CHMP3: variants seen among roughly 807,000 people sequenced by gnomAD.
The protein encoded by CHMP3 is charged multivesicular body protein 3.
CHMP3 carries 8 observed loss-of-function variants against 27.4 expected under a neutral mutation model. That is an observed-to-expected ratio of 0.29 (90% CI 0.17 to 0.53). The LOEUF is 0.53. Among genes scored for constraint, CHMP3 ranks in the 20% least tolerant of loss-of-function variants. The pLI, the probability that CHMP3 is intolerant of heterozygous loss-of-function variation, is 0.96. For synonymous variants in CHMP3, 86 were observed against 85.5 expected (o/e 1.01, Z -0.03); for missense variants, 208 against 271.5 (o/e 0.77, Z 1.64).
intron 1 of CHMP3, among the ~76,000 whole-genome samples, chr2:86,552,985 A>C (rs754858178): frequency 1.1e-4 from 15 of 141,700 alleles, no homozygotes; most frequent in Non-Finnish European, 1.1e-4. Flanking sequence ...GAGGGCAACA[A>C]CACACACTGG....
At chr2:86,515,589 G>A (rs1675271209) in intron 3 of CHMP3, among the ~76,000 whole-genome samples, 1 of 152,104 alleles carries the variant, frequency 6.6e-6, no homozygotes, top group African/African-American at 2.4e-5. Flanking sequence ...CCAAAGTGCT[G>A]AGATTACAGG....
intron 2 of CHMP3, among the ~76,000 whole-genome samples, chr2:86,531,232 C>T (rs968304588): frequency 6.6e-6 from 1 of 152,074 alleles, no homozygotes; most frequent in Non-Finnish European, 1.5e-5. Flanking sequence ...TGGTCTCAAA[C>T]ACCTGGGCTC....
At chr2:86,548,046 T>C (rs1174070861) in intron 1 of CHMP3, among the ~76,000 whole-genome samples, 1 of 152,200 alleles carries the variant, frequency 6.6e-6, no homozygotes, top group African/African-American at 2.4e-5. Context: ...AACAAAATGA[T>C]TGAATTCCTG....
At chr2:86,532,323 T>C (rs1016373382) in intron 2 of CHMP3, among the ~76,000 whole-genome samples, 1 of 152,194 alleles carries the variant, frequency 6.6e-6, no homozygotes, top group Admixed American at 6.5e-5. Flanking sequence ...AATTTATTAG[T>C]TCTAATAGGT....
intron 2 of CHMP3, 98 bp downstream of exon 2, chr2:86,542,154 A>G (rs1269983330): frequency 7.8e-7 from 1 of 1,276,908 alleles, no homozygotes; most frequent in Non-Finnish European, 1.1e-6. Context: ...TATAGGAATA[A>G]ACTATGTCTT....
intron 3 of CHMP3, among the ~76,000 whole-genome samples, chr2:86,519,076 T>C (rs568853773): frequency 2.0e-5 from 3 of 152,070 alleles, no homozygotes; most frequent in Non-Finnish European, 4.4e-5. Context: ...TTATCCACCA[T>C]AAAAAAGCAA....
At chr2:86,533,917 T>C (rs1676021820) in intron 2 of CHMP3, among the ~76,000 whole-genome samples, 1 of 152,216 alleles carries the variant, frequency 6.6e-6, no homozygotes, top group African/African-American at 2.4e-5. Flanking sequence ...ATTTTCTGAT[T>C]TGCTTTGTGA....
intron 2 of CHMP3, among the ~76,000 whole-genome samples, chr2:86,534,056 C>A (rs1437068833): frequency 6.6e-6 from 1 of 152,082 alleles, no homozygotes; most frequent in African/African-American, 2.4e-5. Context: ...CCTTATATAT[C>A]TTTTAAATTT....
At chr2:86,559,379 A>G (rs1015397192) in intron 1 of CHMP3, among the ~76,000 whole-genome samples, 5 of 152,344 alleles carry the variant, frequency 3.3e-5, no homozygotes, top group Non-Finnish European at 7.4e-5. Flanking sequence ...TACAGACAGC[A>G]TATGATAGTA....
At chr2:86,537,294 G>C (rs1332141540) in intron 2 of CHMP3, among the ~76,000 whole-genome samples, 1 of 152,072 alleles carries the variant, frequency 6.6e-6, no homozygotes, top group Non-Finnish European at 1.5e-5. Flanking sequence ...TTCAGTTATT[G>C]TACTTTTCAG....
At chr2:86,516,281 G>A (rs1045275326) in intron 3 of CHMP3, among the ~76,000 whole-genome samples, 4 of 151,930 alleles carry the variant, frequency 2.6e-5, no homozygotes, top group African/African-American at 9.7e-5. Context: ...ACTGATGTAG[G>A]AAAAGAAATT....
intron 3 of CHMP3, among the ~76,000 whole-genome samples, chr2:86,522,599 T>C (rs555803729): frequency 6.6e-6 from 1 of 152,300 alleles, no homozygotes; most frequent in East Asian, 1.9e-4. Context: ...CTGCAGTCTC[T>C]TTCCAGGCTC....
At chr2:86,563,209 G>C (rs1320232791) in intron 1 of CHMP3, 95 bp downstream of exon 1, 14 of 1,456,054 alleles carry the variant, frequency 9.6e-6, no homozygotes, top group Middle Eastern at 1.8e-4. Context: ...GGCGGTATCG[G>C]GCAGGCGGTG....
chr2:86,551,214 T>A (rs1355825554), intron 1 of CHMP3, among the ~76,000 whole-genome samples: 1 of 152,214 alleles, frequency 6.6e-6, no homozygotes, highest in Non-Finnish European at 1.5e-5. Context: ...AGGTCACTAT[T>A]ATTGCTAAGG....
At chr2:86,514,585 T>A (rs1053462823) in intron 3 of CHMP3, among the ~76,000 whole-genome samples, 11 of 152,172 alleles carry the variant, frequency 7.2e-5, no homozygotes, top group Non-Finnish European at 1.2e-4. Context: ...AAAATATAAA[T>A]GGCATCAGGG....
At chr2:86,544,678 C>A (rs1445876781) in intron 1 of CHMP3, among the ~76,000 whole-genome samples, 1 of 152,220 alleles carries the variant, frequency 6.6e-6, no homozygotes, top group Non-Finnish European at 1.5e-5. Context: ...TATAGATTAA[C>A]AGCATCCCAA....
chr2:86,549,406 C>T (rs192034456), intron 1 of CHMP3, among the ~76,000 whole-genome samples: 2,471 of 142,730 alleles, frequency 0.017, 26 homozygotes, highest in Middle Eastern at 0.042. Context: ...CCTCCCTTCC[C>T]AGACGGGGCG....
In CHMP3 at chr2:86,548,787, T is replaced by C. The variant is rs1289572912; in HGVS notation, c.46-6475A>G. ...CCCAGACGGGGCAGCCGGGCAGAGGTGCTCCTCACCTCCCAGACGGGGCGG... is the reference window on the plus strand; with the variant it reads ...CCCAGACGGGGCAGCCGGGCAGAGGCGCTCCTCACCTCCCAGACGGGGCGG... On this transcript the variant is annotated intron_variant, in intron 1 of 5. Coordinates refer to ENST00000263856, the MANE Select transcript of CHMP3 (RefSeq NM_016079.4). 9.0e-4 allele frequency among the ~76,000 whole-genome samples: 110 copies of C among 121,866 alleles called. No homozygotes were observed. The East Asian group carries it at 0.018, about 20-fold the overall frequency. The allele number at this position is 121,866 out of a possible 152,430, so 79.9% of individuals were successfully genotyped here. A position where few individuals can be genotyped will look rare whatever the true frequency, so the allele number is the denominator to read the frequency against.
intron 3 of CHMP3, chr2:86,511,364 G>C (rs980197172): frequency 2.6e-5 from 4 of 152,128 alleles, no homozygotes; most frequent in Admixed American, 2.0e-4. Context: ...AAAGGAGTAA[G>C]GGAGTTTGCT....
Sources: allele counts gnomAD v4.1 joint callset (sites outside exome capture counted in the v4.1 genomes callset), GRCh38; gene constraint gnomAD v4.1.1; transcripts MANE v1.5; gene names NCBI Gene and HGNC (gene_info 2026-07-23, HGNC 2026-07-21).